The following PBRM1 variants were observed in gnomAD, a reference collection of about 807,000 sequenced individuals.
PBRM1 encodes the protein polybromo 1.
Under a neutral mutation model 194.5 loss-of-function variants are expected in PBRM1, and 27 were observed. That is an observed-to-expected ratio of 0.14 (90% CI 0.10 to 0.19). The LOEUF (loss-of-function observed/expected upper bound fraction) is 0.19, where lower values mean the gene tolerates loss of function less well. Ranked by LOEUF, PBRM1 falls within the 10% of genes least tolerant of loss-of-function variation. The pLI is 1.00. For missense variants in PBRM1, 1,466 were observed against 2,077.2 expected, an observed-to-expected ratio of 0.71 and a Z score of 5.72; for synonymous variants, 655 against 693.2, an observed-to-expected ratio of 0.94 and a Z score of 0.87.
chr3:52,594,237 T>C (rs928817518), intron 17 of PBRM1, among the ~76,000 whole-genome samples: 1 of 152,230 alleles, frequency 6.6e-6, no homozygotes, highest in African/African-American at 2.4e-5. Context: ...CTCTAAGAAC[T>C]TGCTTTATGA....
intron 10 of PBRM1, among the ~76,000 whole-genome samples, chr3:52,639,944 G>A (rs1462925206): frequency 6.6e-6 from 1 of 152,182 alleles, no homozygotes; most frequent in Non-Finnish European, 1.5e-5. Flanking sequence ...ATGAAGAAGT[G>A]TGTTCAAATC....
At chr3:52,614,418 T>C (rs2094837577) in intron 15 of PBRM1, among the ~76,000 whole-genome samples, 2 of 149,858 alleles carry the variant, frequency 1.3e-5, no homozygotes, top group African/African-American at 4.9e-5. Flanking sequence ...CTAGTCTGTC[T>C]GTTTTCCCCC....
At chr3:52,625,905 A>G (rs140311682) in intron 13 of PBRM1, among the ~76,000 whole-genome samples, 10 of 152,254 alleles carry the variant, frequency 6.6e-5, no homozygotes, top group African/African-American at 2.4e-4. Flanking sequence ...TGAGTGTCCC[A>G]CAGACTACTA....
intron 10 of PBRM1, among the ~76,000 whole-genome samples, chr3:52,638,906 C>T (rs1166470341): frequency 1.4e-5 from 2 of 143,004 alleles, no homozygotes; most frequent in African/African-American, 5.2e-5. Context: ...TTCTTGAATC[C>T]ATTTTAGGTG....
At position 52,609,640 on chromosome 3, in the gene PBRM1, T is replaced by C. The variant is rs770955246; in HGVS notation, c.2240A>G (p.Lys747Arg). ...GACTTTGTGTAGAACAAGAGCATCT[T>C]TGTAGATCAAAGACTCCGGCTCATT... Residue 747 changes from lysine to arginine, a missense_variant, in exon 16 of 30, where the codon AAA becomes AGA. By Grantham distance (26) the Lys-to-Arg change is conservative. This residue lies in a region of PBRM1 where 687 missense variants were observed against 946.2 expected (regional missense o/e 0.73). Coordinates refer to ENST00000296302, the Ensembl canonical transcript of PBRM1. This position sits in a 1 kb window ranked among gnomAD's most constrained non-coding sequence, Gnocchi z 4.1. 20 of 1,613,418 alleles carry C rather than the reference T, an allele frequency of 1.2e-5. No individual in the cohort carries two copies. The highest frequency in any genetic ancestry group is 1.6e-4 in the Middle Eastern group (1 of 6,084).
rs58430288 is a variant in PBRM1, at chr3:52,571,856, C to CAAAAAAAAAAAAAAAAA, written c.3691+4668_3691+4684dup. ...GAGCAAGAGGGATACCTCATCTCCCCAAAAAAAAAAAAAAAAAAAAAAAAA... is the reference window on the plus strand; with the variant it reads ...GAGCAAGAGGGATACCTCATCTCCCCAAAAAAAAAAAAAAAAAAAAAAAAAAAAAAAAAAAAAAAAAA... On this transcript the variant is annotated intron_variant, in intron 22 of 29. Coordinates refer to ENST00000296302, the Ensembl canonical transcript of PBRM1. Among the ~76,000 whole-genome samples the CAAAAAAAAAAAAAAAAA allele has an allele frequency of 1.9e-4, 7 of 37,092 alleles. 3 individuals are homozygous for CAAAAAAAAAAAAAAAAA. The highest frequency in any genetic ancestry group is 8.0e-4 in the African/African-American group (7 of 8,724). 24.3% of individuals were successfully genotyped at this position (37,092 alleles called of 152,430 possible).
chr3:52,656,748 T>C (rs1221973536), intron 5 of PBRM1, among the ~76,000 whole-genome samples: 1 of 152,050 alleles, frequency 6.6e-6, no homozygotes, highest in Non-Finnish European at 1.5e-5. Context: ...AACAACCCAA[T>C]GTCCATTGAC....
At chr3:52,669,930 A>G (rs1038167682) in intron 2 of PBRM1, among the ~76,000 whole-genome samples, 2 of 152,236 alleles carry the variant, frequency 1.3e-5, no homozygotes, top group South Asian at 4.1e-4. Flanking sequence ...AAAAAATCAG[A>G]ATATTGAGAA....
chr3:52,590,127 C>T (rs904905119), intron 17 of PBRM1, among the ~76,000 whole-genome samples: 2 of 151,650 alleles, frequency 1.3e-5, no homozygotes, highest in African/African-American at 4.8e-5. Context: ...GCCCAGATGA[C>T]TTTTATTTTT....
intron 13 of PBRM1, among the ~76,000 whole-genome samples, chr3:52,626,427 G>A (rs1012982098): frequency 2.0e-5 from 3 of 152,214 alleles, no homozygotes; most frequent in African/African-American, 4.8e-5. Context: ...TGTATAGACT[G>A]TGTCAACAGT....
At chr3:52,564,340 A>G in intron 22 of PBRM1, 107 bp from the exon 25 acceptor site, 2 of 826,800 alleles carry the variant, frequency 2.4e-6, no homozygotes, top group South Asian at 1.6e-5. Flanking sequence ...ATAATTAACA[A>G]TTTTAAAGAT....
At chr3:52,563,992 C>G (rs2153521873) in intron 23 of PBRM1, 58 bp downstream of exon 25, 17 of 1,100,896 alleles carry the variant, frequency 1.5e-5, no homozygotes, top group Middle Eastern at 2.7e-4. Flanking sequence ...CTGGACTACA[C>G]TATGTTGCTA....
exon 29 of PBRM1, chr3:52,550,516 G>C (rs2153373468): frequency 6.3e-7 from 1 of 1,582,616 alleles, no homozygotes; most frequent in Non-Finnish European, 8.6e-7. Flanking sequence ...AAGCCGCTGG[G>C]TCTTTGGTGG....
upstream of PBRM1, among the ~76,000 whole-genome samples, chr3:52,682,390 A>G (rs1337460346): frequency 3.3e-5 from 5 of 151,500 alleles, no homozygotes; most frequent in South Asian, 2.1e-4. Context: ...AAAAAAAAAA[A>G]GGGCCAACCA....
exon 2 of PBRM1, chr3:52,678,564 G>C (rs2154058091): frequency 6.2e-7 from 1 of 1,613,120 alleles, no homozygotes; most frequent in Non-Finnish European, 8.5e-7. Context: ...TTATAGTCTC[G>C]GATGGTATTA....
intron 3 of PBRM1, among the ~76,000 whole-genome samples, chr3:52,663,520 C>T (rs1443338604): frequency 1.3e-5 from 2 of 152,138 alleles, no homozygotes; most frequent in Non-Finnish European, 2.9e-5. Flanking sequence ...GGACAAGAAA[C>T]AAATCATTTC....
At chr3:52,624,852 G>A (rs1388368866) in intron 13 of PBRM1, 45 bp downstream of exon 15, 2 of 1,288,472 alleles carry the variant, frequency 1.6e-6, no homozygotes. Context: ...TGCCACAGAA[G>A]ATACACTTTA....
intron 10 of PBRM1, among the ~76,000 whole-genome samples, chr3:52,635,058 T>C (rs745730093): frequency 1.1e-4 from 16 of 152,036 alleles, no homozygotes; most frequent in Non-Finnish European, 1.6e-4. Context: ...CCCGAGTAGC[T>C]AAGAAGACAG....
Position 52,603,512 on chromosome 3 carries a change from G to C in PBRM1, c.2779+9C>G. The C allele has an allele frequency of 6.3e-7, 1 of 1,591,404 alleles. No individual in the cohort carries two copies. Among genetic ancestry groups the C allele is most frequent in the East Asian group, 2.2e-5 (1 of 44,722 alleles). On this transcript the variant is annotated intron_variant, in intron 17 of 29. Transcript: ENST00000296302. ...TTTTTCATATTCAATAAAATGAAAA[G>C]AAACCAACCTCTTTTTTCTTCTTCT...
Sources: allele counts gnomAD v4.1 joint callset (sites outside exome capture counted in the v4.1 genomes callset), GRCh38; gene constraint gnomAD v4.1.1; regional missense constraint gnomAD v4.1.1; non-coding constraint Gnocchi (gnomAD v3.1); transcripts MANE v1.5; gene names NCBI Gene and HGNC (gene_info 2026-07-23, HGNC 2026-07-21).